The following RAB27B variants were observed in gnomAD, a reference collection of about 807,000 sequenced individuals.
RAB27B encodes ras-related protein Rab-27B.
In RAB27B, 15 loss-of-function variants were observed where a neutral mutation model predicts 24.6. That is an observed-to-expected ratio of 0.61 (90% CI 0.41 to 0.94). RAB27B has a LOEUF of 0.94. Ranked by LOEUF, RAB27B falls within the 40% of genes least tolerant of loss-of-function variation. The pLI, the probability that RAB27B is intolerant of heterozygous loss-of-function variation, is 0.00. For missense variants in RAB27B, 261 were observed against 266.8 expected (o/e 0.98, Z 0.15); for synonymous variants, 105 against 92.5 (o/e 1.14, Z -0.78).
At chr18:54,742,311 C>T (rs930232031) in intron 2 of RAB27B, among the ~76,000 whole-genome samples, 2 of 152,144 alleles carry the variant, frequency 1.3e-5, no homozygotes, top group African/African-American at 4.8e-5. Flanking sequence ...CATTATCGTA[C>T]ATGCGGTTTA....
At chr18:54,820,576 C>T (rs1910275018) in intron 2 of RAB27B, among the ~76,000 whole-genome samples, 2 of 152,110 alleles carry the variant, frequency 1.3e-5, no homozygotes, top group South Asian at 2.1e-4. Flanking sequence ...TGCCTGTTCA[C>T]TCTGATGGTA....
intron 2 of RAB27B, among the ~76,000 whole-genome samples, chr18:54,773,051 T>TTCC (rs200196395): frequency 3.3e-5 from 5 of 152,286 alleles, no homozygotes; most frequent in Non-Finnish European, 5.9e-5. Flanking sequence ...ATGCCTATAC[T>TTCC]TCTTTTTTTT....
chr18:54,752,497 G>A (rs1056835772), intron 2 of RAB27B, among the ~76,000 whole-genome samples: 7 of 152,132 alleles, frequency 4.6e-5, no homozygotes, highest in Admixed American at 1.3e-4. Context: ...GAGTAGCTGC[G>A]AATAAATTGA....
At chr18:54,810,460 A>G (rs1909926775) in intron 2 of RAB27B, among the ~76,000 whole-genome samples, 1 of 152,150 alleles carries the variant, frequency 6.6e-6, no homozygotes, top group African/African-American at 2.4e-5. Context: ...GTCTGAGTTA[A>G]TATAGTTCTG....
intron 2 of RAB27B, among the ~76,000 whole-genome samples, chr18:54,813,218 T>C (rs1442234929): frequency 3.9e-5 from 6 of 152,198 alleles, no homozygotes; most frequent in Non-Finnish European, 8.8e-5. Context: ...TACCTTCTTC[T>C]ATTGCCTACT....
In RAB27B at chr18:54,867,954, G is replaced by A. The variant is rs1373105426; in HGVS notation, c.-19-9613G>A. ...TCCCGTGGAACTGCACACACACCTAGTGATATAGTTTGGAGATTTGTCTCC... is the reference window on the plus strand; with the variant it reads ...TCCCGTGGAACTGCACACACACCTAATGATATAGTTTGGAGATTTGTCTCC... On this transcript the variant is annotated intron_variant, in intron 1 of 5. Coordinates refer to ENST00000262094, the MANE Select transcript of RAB27B (RefSeq NM_004163.4). Among the ~76,000 whole-genome samples, 3 of 152,154 alleles carry A rather than the reference G, an allele frequency of 2.0e-5. No individual in the cohort carries two copies. The South Asian group carries it at 6.2e-4, about 32-fold the overall frequency.
At chr18:54,801,535 C>A (rs1290283866) in intron 2 of RAB27B, among the ~76,000 whole-genome samples, 1 of 152,174 alleles carries the variant, frequency 6.6e-6, no homozygotes, top group Non-Finnish European at 1.5e-5. Context: ...CTTACTATTG[C>A]CCATCTAGGC....
intron 2 of RAB27B, among the ~76,000 whole-genome samples, chr18:54,741,028 G>T (rs1202647020): frequency 6.6e-6 from 1 of 152,072 alleles, no homozygotes; most frequent in African/African-American, 2.4e-5. Flanking sequence ...TTCATAAAAA[G>T]CATTTATTCC....
intron 2 of RAB27B, among the ~76,000 whole-genome samples, chr18:54,791,201 A>G (rs1310774343): frequency 6.6e-6 from 1 of 152,152 alleles, no homozygotes; most frequent in African/African-American, 2.4e-5. Flanking sequence ...AGAGCATTAA[A>G]AAAAGAAAAA....
chr18:54,739,926 T>A (rs1484771433), intron 2 of RAB27B, among the ~76,000 whole-genome samples: 1 of 152,232 alleles, frequency 6.6e-6, no homozygotes, highest in African/African-American at 2.4e-5. Flanking sequence ...TTTTGAGAAA[T>A]GTCTACTCAA....
At chr18:54,767,160 C>G (rs145111305) in intron 2 of RAB27B, among the ~76,000 whole-genome samples, 283 of 152,258 alleles carry the variant, frequency 1.9e-3, no homozygotes, top group African/African-American at 6.4e-3. Context: ...GCATTTTAAA[C>G]AGATTGCTTA....
intron 1 of RAB27B, among the ~76,000 whole-genome samples, chr18:54,866,544 C>T (rs1329127753): frequency 2.0e-5 from 3 of 152,194 alleles, no homozygotes; most frequent in East Asian, 1.9e-4. Flanking sequence ...GTGATCCGCC[C>T]GCTTCGGCCT....
intron 2 of RAB27B, among the ~76,000 whole-genome samples, chr18:54,816,665 A>C (rs1910131141): frequency 6.6e-6 from 1 of 152,194 alleles, no homozygotes; most frequent in Non-Finnish European, 1.5e-5. Flanking sequence ...CAAGTGTTAA[A>C]ATATCTTAGA....
At chr18:54,857,301 T>C (rs951071509) in intron 1 of RAB27B, among the ~76,000 whole-genome samples, 2 of 152,202 alleles carry the variant, frequency 1.3e-5, no homozygotes, top group Non-Finnish European at 1.5e-5. Flanking sequence ...TGTTCTCTTC[T>C]GCCCATCCGG....
At position 54,850,169 on chromosome 18, in the gene RAB27B, G is replaced by A. The variant is rs939279867; in HGVS notation, c.-20+21469G>A. ...TGGCATATTCTAAAAATATCTTCCTGTCTAAAAAAACATTTAACAGAGTTT... is the reference window on the plus strand; with the variant it reads ...TGGCATATTCTAAAAATATCTTCCTATCTAAAAAAACATTTAACAGAGTTT... On this transcript the variant is annotated intron_variant, in intron 1 of 5. Transcript: ENST00000262094. Among the ~76,000 whole-genome samples, 19 of 150,944 alleles carry A rather than the reference G, an allele frequency of 1.3e-4. 1 individual carries two copies. The highest frequency in any genetic ancestry group is 4.4e-4 in the African/African-American group (18 of 41,058).
chr18:54,796,238 T>C (rs768815165), intron 2 of RAB27B, among the ~76,000 whole-genome samples: 1 of 152,120 alleles, frequency 6.6e-6, no homozygotes, highest in Non-Finnish European at 1.5e-5. Context: ...TGGCTGCATC[T>C]AGGGGTGGGT....
rs193006440 is a variant in RAB27B, at chr18:54,834,156, A to T, written c.-20+5456A>T. Among the ~76,000 whole-genome samples, 6 of 152,384 alleles carry T rather than the reference A, an allele frequency of 3.9e-5. No individual in the cohort carries two copies. The East Asian group carries it at 7.7e-4, about 20-fold the overall frequency. On this transcript the variant is annotated intron_variant, in intron 1 of 5. Transcript: ENST00000262094. ...AGTATAGTTATAAAATATAAAACAG[A>T]TCAAAGCAAATTAAGTAGTAGCTGC...
At chr18:54,867,604 AC>A (rs1352185941) in intron 1 of RAB27B, among the ~76,000 whole-genome samples, 1 of 150,988 alleles carries the variant, frequency 6.6e-6, no homozygotes, top group East Asian at 1.9e-4. Context: ...GTGCCACCAG[AC>A]CCAGCTAATT....
At chr18:54,815,168 A>G (rs1247416591) in intron 2 of RAB27B, among the ~76,000 whole-genome samples, 1 of 152,116 alleles carries the variant, frequency 6.6e-6, no homozygotes. Context: ...CTGGGGCAAT[A>G]TTTTTCTCAT....
Sources: gnomAD v4.1 joint callset for allele counts (sites outside exome capture counted in the v4.1 genomes callset) on GRCh38, gnomAD v4.1.1 for gene constraint, MANE v1.5 for transcripts, NCBI Gene and HGNC (gene_info 2026-07-23, HGNC 2026-07-21) for gene names.